The following DDO variants were observed in gnomAD, a reference collection of about 807,000 sequenced individuals.
DDO encodes D-aspartate oxidase.
Under a neutral mutation model 16.8 loss-of-function variants are expected in DDO, and 16 were observed. The observed-to-expected ratio is 0.95, with a 90% CI of 0.65 to 1.45. The LOEUF is 1.45. DDO is among the 40% of genes most tolerant of loss of function. The probability of loss-of-function intolerance (pLI) is 0.00; values close to 1 mark genes in which losing one functional copy is unlikely to be tolerated. For synonymous variants in DDO, 180 were observed against 167.2 expected (o/e 1.08, Z -0.59); for missense variants, 429 against 420.3 (o/e 1.02, Z -0.18).
At chr6:110,398,629 C>A (rs894689892) in intron 4 of DDO, among the ~76,000 whole-genome samples, 4 of 152,142 alleles carry the variant, frequency 2.6e-5, no homozygotes, top group African/African-American at 7.2e-5. Flanking sequence ...AGCTCCAGGG[C>A]AGACATGGCT....
In DDO at chr6:110,392,980, T is replaced by C; in HGVS notation, c.821A>G (p.Lys274Arg). Residue 274 changes from lysine (K) to arginine (R), a missense_variant, in exon 5 of 5, where the codon AAG (lysine) becomes AGG (arginine). Lys to Arg is a conservative substitution (Grantham distance 26). Coordinates refer to ENST00000368924, the MANE Select transcript of DDO (RefSeq NM_001372108.2). ...SLHGACNIRE[K>R]VGLRPYRPGV... ...TGGCCTGTAGGGCCTCAAGCCCACC[T>C]TCTCCCTGATGTTGCAGGCTCCGTG... 6.2e-7 allele frequency: 1 copy of C among 1,612,960 alleles called. No individual in the cohort carries two copies. Among genetic ancestry groups the C allele is most frequent in the Non-Finnish European group, 8.5e-7 (1 of 1,178,978 alleles).
Position 110,404,853 on chromosome 6 carries a change from A to G in DDO, c.379T>C (p.Phe127Leu), listed in dbSNP as rs760728925. ...RKMTEAELKK[F>L]PQYVFGQAFT... ...GCCTGACCAAACACATACTGGGGGAATTTCTTCAGCTCAGCCTCAGTCATC... is the reference window on the plus strand; with the variant it reads ...GCCTGACCAAACACATACTGGGGGAGTTTCTTCAGCTCAGCCTCAGTCATC... Residue 127 changes from phenylalanine (F) to leucine (L), a missense_variant, in exon 4 of 5, where the codon TTC becomes CTC. By Grantham distance (22) the Phe-to-Leu change is conservative. Coordinates refer to ENST00000368924, the MANE Select transcript of DDO (RefSeq NM_001372108.2). 9 of 1,614,180 alleles carry G rather than the reference A, an allele frequency of 5.6e-6. No homozygotes were observed. Among genetic ancestry groups the G allele is most frequent in the African/African-American group, 1.3e-5 (1 of 75,038 alleles).
rs922550140 is a variant in DDO at position 110,408,591 on chromosome 6, C to T, written c.173-149G>A. The T allele has an allele frequency of 1.5e-5, 10 of 652,538 alleles. No individual in the cohort carries two copies. In the East Asian group the frequency reaches 2.8e-4, roughly 18 times the overall value. The allele number at this position is 652,538 out of a possible 1,614,324, so 40.4% of individuals were successfully genotyped here. A position where few individuals can be genotyped will look rare whatever the true frequency, so the allele number is the denominator to read the frequency against. ...CAGGGAGGAACATTAATATAAAGTG[C>T]CACATTGTGGCAGAGGATCTGTCAG... On this transcript the variant is annotated intron_variant, in intron 2 of 4. Coordinates refer to ENST00000368924, the MANE Select transcript of DDO (RefSeq NM_001372108.2).
intron 1 of DDO, among the ~76,000 whole-genome samples, chr6:110,415,105 G>C (rs1051147362): frequency 6.6e-6 from 1 of 152,226 alleles, no homozygotes; most frequent in Non-Finnish European, 1.5e-5. Flanking sequence ...AGCTGAGAGA[G>C]AGTGGGCCTG....
At chr6:110,399,509 A>T (rs570359696) in intron 4 of DDO, among the ~76,000 whole-genome samples, 2,327 of 152,270 alleles carry the variant, frequency 0.015, 56 homozygotes, top group African/African-American at 0.054. Context: ...AGGGAGCCCC[A>T]GGTGTCGCCC....
chr6:110,398,416 AC>A (rs1562260029), intron 4 of DDO, among the ~76,000 whole-genome samples: 33 of 140,512 alleles, frequency 2.3e-4, no homozygotes, highest in African/African-American at 1.0e-3. Context: ...ACACACACAC[AC>A]ACACACACAC....
At chr6:110,403,506 C>T (rs1306164651) in intron 4 of DDO, among the ~76,000 whole-genome samples, 2 of 152,126 alleles carry the variant, frequency 1.3e-5, no homozygotes, top group Non-Finnish European at 2.9e-5. Flanking sequence ...GTAGACAAGT[C>T]CAAACTTGGC....
Position 110,415,494 on chromosome 6 carries a change from C to T in DDO, c.-32G>A. 1 of 1,614,210 alleles carries T rather than the reference C, an allele frequency of 6.2e-7. No homozygotes were observed. The highest frequency in any genetic ancestry group is 2.2e-5 in the East Asian group (1 of 44,880). ...GTCTCTGAAAAAGCAGTCTTGGAAG[C>T]CACCAAAATCTCTGGCACCAAACCT... On this transcript the variant is annotated 5_prime_UTR_variant, in exon 1 of 5. Coordinates refer to ENST00000368924, the MANE Select transcript of DDO (RefSeq NM_001372108.2).
chr6:110,402,825 G>T (rs1032688824), intron 4 of DDO, among the ~76,000 whole-genome samples: 43 of 152,004 alleles, frequency 2.8e-4, no homozygotes, highest in African/African-American at 8.9e-4. Flanking sequence ...CCATCCCCAC[G>T]CAGGAAAGCC....
At chr6:110,406,678 G>T (rs1481196139) in intron 3 of DDO, among the ~76,000 whole-genome samples, 2 of 152,116 alleles carry the variant, frequency 1.3e-5, no homozygotes, top group Non-Finnish European at 2.9e-5. Flanking sequence ...CTAGACTCAG[G>T]TCTAGGTGTA....
chr6:110,403,843 A>G (rs1406386118), intron 4 of DDO, among the ~76,000 whole-genome samples: 2 of 152,238 alleles, frequency 1.3e-5, no homozygotes, highest in South Asian at 2.1e-4. Context: ...AAGAAATCAT[A>G]TTTTATCCTT....
chr6:110,415,552 G>C lies in DDO; in HGVS notation c.-90C>G, dbSNP rs1247304302. The C allele has an allele frequency of 1.2e-6, 2 of 1,613,738 alleles. No homozygotes were observed. Among genetic ancestry groups the C allele is most frequent in the Admixed American group, 3.3e-5 (2 of 59,912 alleles). ...CAGTGCCTGGCTGGTCTCATGCCCT[G>C]AGAGACAGAGAGAAAGCGAAACTGA... On this transcript the variant is annotated 5_prime_UTR_variant, in exon 1 of 5. Coordinates refer to ENST00000368924, the MANE Select transcript of DDO (RefSeq NM_001372108.2).
intron 3 of DDO, among the ~76,000 whole-genome samples, chr6:110,406,801 T>A (rs192392631): frequency 6.6e-6 from 1 of 151,674 alleles, no homozygotes; most frequent in Non-Finnish European, 1.5e-5. Flanking sequence ...TGGTCTCGGA[T>A]GAAACACCTT....
Position 110,393,182 on chromosome 6 carries a change from G to A in DDO, c.619C>T (p.Gln207Ter), listed in dbSNP as rs750224372. ...FPVRGQVLQV[Q>*]APWVEHFIRD... ...ATAAAATGCTCCACCCAGGGAGCCT[G>A]AACTTGGAGGACTTGGCCCCTTACA... Residue 207 changes from glutamine (Q) to a stop codon, truncating the protein, a stop_gained, in exon 5 of 5, where the codon CAG (glutamine) becomes TAG (stop). Transcript: ENST00000368924. LOFTEE classifies it low-confidence loss of function (END_TRUNC). 1.2e-6 allele frequency: 2 copies of A among 1,614,260 alleles called. No homozygotes were observed. Among genetic ancestry groups the A allele is most frequent in the South Asian group, 2.2e-5 (2 of 91,090 alleles).
rs116438643 is a variant in DDO, at chr6:110,400,560, C to T, written c.458+4214G>A. Among the ~76,000 whole-genome samples the T allele has an allele frequency of 2.9e-3, 436 of 152,344 alleles. 2 individuals are homozygous for T. The highest frequency in any genetic ancestry group is 9.7e-3 in the African/African-American group (404 of 41,598). On this transcript the variant is annotated intron_variant, in intron 4 of 4. Coordinates refer to ENST00000368924, the MANE Select transcript of DDO (RefSeq NM_001372108.2). ...CAGGTGCCCTGGGCCTTCATGCCCCCTCCCTGCCCCATCAGAACTCTCCTC... is the reference window on the plus strand; with the variant it reads ...CAGGTGCCCTGGGCCTTCATGCCCCTTCCCTGCCCCATCAGAACTCTCCTC...
chr6:110,389,470 A>G (rs1773065995), downstream of DDO, among the ~76,000 whole-genome samples: 1 of 152,242 alleles, frequency 6.6e-6, no homozygotes, highest in Admixed American at 6.5e-5. Flanking sequence ...TGCAAAGGCT[A>G]TTTCTTTAGA....
intron 2 of DDO, among the ~76,000 whole-genome samples, chr6:110,408,659 T>C (rs908560441): frequency 6.6e-6 from 1 of 152,228 alleles, no homozygotes; most frequent in African/African-American, 2.4e-5. Flanking sequence ...CCAAATCTGC[T>C]CATATGATTA....
intron 4 of DDO, among the ~76,000 whole-genome samples, chr6:110,403,471 T>A (rs1714760036): frequency 6.6e-6 from 1 of 152,194 alleles, no homozygotes. Flanking sequence ...ATGTGATAGC[T>A]CAAAATATAC....
At chr6:110,400,081 G>A (rs1287042355) in intron 4 of DDO, among the ~76,000 whole-genome samples, 13 of 152,192 alleles carry the variant, frequency 8.5e-5, no homozygotes, top group Admixed American at 8.5e-4. Context: ...TTTAAGTGGC[G>A]GGAAATGCTG....
Sources: allele counts gnomAD v4.1 joint callset (sites outside exome capture counted in the v4.1 genomes callset), GRCh38; gene constraint gnomAD v4.1.1; transcripts MANE v1.5; gene names NCBI Gene and HGNC (gene_info 2026-07-23, HGNC 2026-07-21).